Variants in NRCAM observed in about 807,000 individuals in gnomAD.
NRCAM encodes the protein NgCAM-related cell adhesion molecule.
A neutral mutation model predicts 156.5 loss-of-function variants in NRCAM; 83 were observed. That is an observed-to-expected ratio of 0.53 (90% CI 0.44 to 0.64). The LOEUF is 0.64. Ranked by LOEUF, NRCAM falls within the 30% of genes least tolerant of loss-of-function variation. The pLI is 0.00. For missense variants in NRCAM, 1,417 were observed against 1,597.3 expected (o/e 0.89, Z 1.92); for synonymous variants, 538 against 563.9 (o/e 0.95, Z 0.65).
intron 8 of NRCAM, among the ~76,000 whole-genome samples, chr7:108,229,765 T>A (rs2094048681): frequency 6.6e-6 from 1 of 152,070 alleles, no homozygotes; most frequent in Non-Finnish European, 1.5e-5. Flanking sequence ...AAACTCTGGT[T>A]TCTTAGTCTC....
At position 108,207,528 on chromosome 7, in the gene NRCAM, T is replaced by C. The variant is rs199675884; in HGVS notation, c.1207A>G (p.Ile403Val). 3 of 1,613,764 alleles carry C rather than the reference T, an allele frequency of 1.9e-6. No homozygotes were observed. The highest frequency in any genetic ancestry group is 1.3e-5 in the African/African-American group (1 of 75,032). The stretch of plus-strand genomic sequence containing the variant: ...ATTAGAACCACTCAAGGCAACTTAC[T>C]TTCTATTGGGACTCCATTTGTTAAC... ...SWLTNGVPIE[I>V]APDDPSRKID... Residue 403 changes from isoleucine (I) to valine (V), a missense_variant and splice_region_variant, in exon 13 of 33, where the codon ATT (isoleucine) becomes GTT (valine). By Grantham distance (29) the Ile-to-Val change is conservative. Transcript: ENST00000379028.
chr7:108,198,124 T>C, intron 13 of NRCAM, 25 bp from the exon 14 acceptor site: 5 of 1,563,550 alleles, frequency 3.2e-6, no homozygotes, highest in South Asian at 2.4e-5. Flanking sequence ...AAATAGAAAG[T>C]ATTTATTCCT....
intron 2 of NRCAM, among the ~76,000 whole-genome samples, chr7:108,375,702 A>G (rs1038548134): frequency 1.3e-5 from 2 of 152,222 alleles, no homozygotes; most frequent in Admixed American, 1.3e-4. Context: ...CAAAGCAAGT[A>G]TACGGAAATT....
chr7:108,204,042 T>G (rs748288020), intron 13 of NRCAM, among the ~76,000 whole-genome samples: 1 of 152,130 alleles, frequency 6.6e-6, no homozygotes, highest in African/African-American at 2.4e-5. Context: ...CCGTGCTAGA[T>G]GTGGGGTGCA....
chr7:108,277,308 T>G (rs900097693), intron 3 of NRCAM, among the ~76,000 whole-genome samples: 1 of 152,202 alleles, frequency 6.6e-6, no homozygotes, highest in African/African-American at 2.4e-5. Flanking sequence ...GAAGTTCTCC[T>G]GGATAATACC....
chr7:108,413,507 T>C (rs939992693), intron 1 of NRCAM, among the ~76,000 whole-genome samples: 14 of 152,178 alleles, frequency 9.2e-5, no homozygotes, highest in African/African-American at 3.1e-4. Context: ...CTTACCACTA[T>C]AGCCTTTGAA....
At chr7:108,411,647 A>G (rs1003504583) in intron 1 of NRCAM, among the ~76,000 whole-genome samples, 1 of 152,138 alleles carries the variant, frequency 6.6e-6, no homozygotes, top group African/African-American at 2.4e-5. Context: ...CTCCTGCCTC[A>G]GCCTCTTGAG....
intron 25 of NRCAM, among the ~76,000 whole-genome samples, chr7:108,179,805 TATAGAA>T (rs1024738808): frequency 3.1e-4 from 47 of 152,336 alleles, no homozygotes; most frequent in African/African-American, 1.1e-3. Context: ...AACTATAACT[TATAGAA>T]ATATTTTCCT....
intron 23 of NRCAM, 69 bp from the exon 24 acceptor site, chr7:108,182,006 T>C: frequency 2.5e-6 from 3 of 1,221,486 alleles, no homozygotes; most frequent in Non-Finnish European, 1.2e-6. Flanking sequence ...AATATGACTC[T>C]CTCTAATAAT....
chr7:108,368,224 A>ACCCCCCCCACCC (rs2099604480), intron 2 of NRCAM, among the ~76,000 whole-genome samples: 1 of 91,058 alleles, frequency 1.1e-5, no homozygotes, highest in Non-Finnish European at 2.2e-5. Flanking sequence ...ACACTTTCAT[A>ACCCCCCCCACCC]CCCCCCCCCA....
At chr7:108,222,127 T>C (rs1295561073) in intron 11 of NRCAM, among the ~76,000 whole-genome samples, 1 of 152,214 alleles carries the variant, frequency 6.6e-6, no homozygotes, top group Non-Finnish European at 1.5e-5. Flanking sequence ...TGATAACATA[T>C]TGATATTTCC....
chr7:108,383,478 A>G (rs2099710985), intron 2 of NRCAM, among the ~76,000 whole-genome samples: 1 of 152,306 alleles, frequency 6.6e-6, no homozygotes, highest in South Asian at 2.1e-4. Flanking sequence ...AATTTGATAT[A>G]ACTTATGACA....
chr7:108,343,929 A>C (rs1053257405), intron 2 of NRCAM, among the ~76,000 whole-genome samples: 4 of 152,204 alleles, frequency 2.6e-5, no homozygotes, highest in African/African-American at 9.7e-5. Flanking sequence ...CAAAGCTGTA[A>C]AACTACACAT....
intron 2 of NRCAM, among the ~76,000 whole-genome samples, chr7:108,386,179 G>A (rs564767837): frequency 6.6e-6 from 1 of 152,276 alleles, no homozygotes; most frequent in African/African-American, 2.4e-5. Context: ...AATAGCTCCA[G>A]AGCCAGGCAT....
Position 108,231,019 on chromosome 7 carries a change from A to C in NRCAM, c.550+12T>G. 6.3e-7 allele frequency: 1 copy of C among 1,588,684 alleles called. No homozygotes were observed. Among genetic ancestry groups the C allele is most frequent in the Non-Finnish European group, 8.6e-7 (1 of 1,159,538 alleles). ...CTTTTAAAGAAAGAAAGTTCATATTATCAAAACTTACAATTATCCATCCAA... is the reference window on the plus strand; with the variant it reads ...CTTTTAAAGAAAGAAAGTTCATATTCTCAAAACTTACAATTATCCATCCAA... On this transcript the variant is annotated intron_variant, in intron 8 of 32. Transcript: ENST00000379028.
At position 108,425,757 on chromosome 7, in the gene NRCAM, GTTA is replaced by G. The variant is rs1816465541; in HGVS notation, c.-331-26167_-331-26165del. Reference sequence around the variant, plus strand: ...AGATGATATTGGCAAACTATGTGTTGTTATTATTATCATGACAGATTAACTGTT... The same window carrying G: ...AGATGATATTGGCAAACTATGTGTTGTTATTATCATGACAGATTAACTGTT... On this transcript the variant is annotated intron_variant, in intron 1 of 32. Transcript: ENST00000379028. Among the ~76,000 whole-genome samples the G allele has an allele frequency of 2.6e-5, 4 of 152,200 alleles. No homozygotes were observed. In the South Asian group the frequency reaches 8.3e-4, roughly 32 times the overall value.
intron 1 of NRCAM, among the ~76,000 whole-genome samples, chr7:108,423,103 A>T (rs1279302363): frequency 1.3e-5 from 2 of 152,152 alleles, no homozygotes; most frequent in African/African-American, 4.8e-5. Flanking sequence ...CTTGAGAGCT[A>T]TTGGTGACTT....
chr7:108,290,635 GA>G (rs1430068047), intron 3 of NRCAM, among the ~76,000 whole-genome samples: 4 of 152,032 alleles, frequency 2.6e-5, no homozygotes, highest in African/African-American at 9.7e-5. Flanking sequence ...ATGTTTTTCT[GA>G]ATGCCATTTT....
At chr7:108,257,202 G>A (rs1412747890) in intron 3 of NRCAM, among the ~76,000 whole-genome samples, 1 of 151,918 alleles carries the variant, frequency 6.6e-6, no homozygotes, top group East Asian at 1.9e-4. Context: ...GGTAGGAGAG[G>A]AGACTGACTA....
Sources: gnomAD v4.1 joint callset for allele counts (sites outside exome capture counted in the v4.1 genomes callset) on GRCh38, gnomAD v4.1.1 for gene constraint, MANE v1.5 for transcripts, NCBI Gene and HGNC (gene_info 2026-07-23, HGNC 2026-07-21) for gene names.